HSDL1: variants seen among roughly 807,000 people sequenced by gnomAD.
HSDL1 encodes inactive hydroxysteroid dehydrogenase-like protein 1.
HSDL1 carries 29 observed loss-of-function variants against 31.5 expected under a neutral mutation model. That is an observed-to-expected ratio of 0.92 (90% CI 0.69 to 1.26). HSDL1 has a LOEUF of 1.26. Ranked by LOEUF, HSDL1 falls within the 50% of genes most tolerant of loss-of-function variation. The pLI is 0.00. For synonymous variants in HSDL1, 222 were observed against 155.2 expected, an observed-to-expected ratio of 1.43 and a Z score of -3.20; for missense variants, 503 against 416.6, an observed-to-expected ratio of 1.21 and a Z score of -1.81.
In HSDL1 at chr16:84,122,734, T is replaced by A. The variant is rs113863434; in HGVS notation, c.*1896A>T. The stretch of plus-strand genomic sequence containing the variant: ...TTAGCTCTGGGGAAAAAAATACATT[T>A]AATGAAAGCTAGAAAACCTAGAGAA... On this transcript the variant is annotated 3_prime_UTR_variant, in exon 6 of 6. Coordinates refer to ENST00000219439, the MANE Select transcript of HSDL1 (RefSeq NM_031463.5). 2 of 152,200 alleles carry A rather than the reference T, an allele frequency of 1.3e-5. No homozygotes were observed. The highest frequency in any genetic ancestry group is 6.5e-5 in the Admixed American group (1 of 15,274). The allele number at this position is 152,200 out of a possible 1,614,324, so 9.4% of individuals were successfully genotyped here.
chr16:84,130,373 A>G lies in HSDL1; in HGVS notation c.279T>C (p.Asn93=). 1 of 1,614,074 alleles carries G rather than the reference A, an allele frequency of 6.2e-7. No individual in the cohort carries two copies. The highest frequency in any genetic ancestry group is 8.5e-7 in the Non-Finnish European group (1 of 1,180,028). Reference sequence around the variant, plus strand: ...CCTCGTTCCGACTAATCAGGATTATATTGAGACCTCGGCTTGCTAACTCTT... The same window carrying G: ...CCTCGTTCCGACTAATCAGGATTATGTTGAGACCTCGGCTTGCTAACTCTT... ...YAEELASRGL[N]IILISRNEEK... Residue 93 remains asparagine (N), a synonymous_variant, in exon 4 of 6, where the codon AAT becomes AAC. Transcript: ENST00000219439.
At position 84,128,015 on chromosome 16, in the gene HSDL1, T is replaced by A. The variant is rs141485613; in HGVS notation, c.894+1533A>T. On this transcript the variant is annotated intron_variant, in intron 5 of 5. Transcript: ENST00000219439. ...ATTACAGGCTTGAGCCACCACGCCC[T>A]GCCAGCTCACGCTTGTAAATCCCAG... is the stretch of plus-strand genomic sequence containing the variant. Among the ~76,000 whole-genome samples the A allele has an allele frequency of 3.4e-3, 502 of 145,764 alleles. 1 individual carries two copies. The highest frequency in any genetic ancestry group is 0.012 in the African/African-American group (464 of 40,258).
intron 1 of HSDL1, among the ~76,000 whole-genome samples, chr16:84,141,934 G>A (rs1056016134): frequency 1.3e-5 from 2 of 152,076 alleles, no homozygotes; most frequent in Non-Finnish European, 2.9e-5. Flanking sequence ...TAAATGTGTT[G>A]TTATTATTAT....
intron 5 of HSDL1, 127 bp from the exon 6 acceptor site, chr16:84,124,855 A>G: frequency 1.6e-6 from 1 of 624,258 alleles, no homozygotes; most frequent in Non-Finnish European, 2.9e-6. Flanking sequence ...CACAACAAAT[A>G]CCCACCAATC....
intron 4 of HSDL1, 79 bp from the exon 5 acceptor site, chr16:84,129,854 T>C (rs1240299766): frequency 1.4e-6 from 2 of 1,439,690 alleles, no homozygotes; most frequent in Admixed American, 2.1e-5. Context: ...ACTTGCTTAT[T>C]ATCAATTCAG....
Position 84,124,122 on chromosome 16 carries a change from TA to T in HSDL1, c.*507del, listed in dbSNP as rs1267556084. ...ACCAGTTGAAGTGCAGCATTTTCAT[TA>T]CAGATAGTCAAACAGCTAGAGCTAT... is the stretch of plus-strand genomic sequence containing the variant. On this transcript the variant is annotated 3_prime_UTR_variant, in exon 6 of 6. Coordinates refer to ENST00000219439, the MANE Select transcript of HSDL1 (RefSeq NM_031463.5). The T allele has an allele frequency of 6.5e-6, 1 of 153,310 alleles. No individual in the cohort carries two copies. The highest frequency in any genetic ancestry group is 1.9e-4 in the East Asian group (1 of 5,234). 9.5% of individuals were successfully genotyped at this position (153,310 alleles called of 1,614,324 possible).
chr16:84,130,960 G>C (rs778051140), intron 3 of HSDL1, 142 bp downstream of exon 3: 1 of 698,024 alleles, frequency 1.4e-6, no homozygotes, highest in Non-Finnish European at 2.5e-6. Context: ...AAAATGAAAT[G>C]TGAACATAAT....
At chr16:84,130,566 G>A in intron 3 of HSDL1, 135 bp from the exon 4 acceptor site, 1 of 684,552 alleles carries the variant, frequency 1.5e-6, no homozygotes. Flanking sequence ...GTATCTACAA[G>A]TCAAGGACAC....
At chr16:84,125,201 C>T (rs2086594254) in intron 5 of HSDL1, 1 of 150,706 alleles carries the variant, frequency 6.6e-6, no homozygotes, top group Non-Finnish European at 1.4e-5. Context: ...CCACCAATCA[C>T]AACAAATACC....
At chr16:84,130,505 CT>C (rs1426002605) in intron 3 of HSDL1, 74 bp from the exon 4 acceptor site, 28 of 1,274,218 alleles carry the variant, frequency 2.2e-5, no homozygotes, top group South Asian at 2.9e-5. Flanking sequence ...AAAGTACCCC[CT>C]GTCAGGTTTA....
chr16:84,130,367 G>T lies in HSDL1; in HGVS notation c.285C>A (p.Ile95=), dbSNP rs1457984924. ...EELASRGLNI[I]LISRNEEKLQ... ...ACTTCTCCTCGTTCCGACTAATCAG[G>T]ATTATATTGAGACCTCGGCTTGCTA... Residue 95 remains isoleucine (I), a synonymous_variant, in exon 4 of 6, where the codon ATC becomes ATA. Coordinates refer to ENST00000219439, the MANE Select transcript of HSDL1 (RefSeq NM_031463.5). 1 of 1,614,108 alleles carries T rather than the reference G, an allele frequency of 6.2e-7. No homozygotes were observed. Among genetic ancestry groups the T allele is most frequent in the Non-Finnish European group, 8.5e-7 (1 of 1,180,038 alleles).
chr16:84,126,905 GAA>G (rs1457809246), intron 5 of HSDL1, among the ~76,000 whole-genome samples: 13 of 152,142 alleles, frequency 8.5e-5, no homozygotes, highest in African/African-American at 3.1e-4. Flanking sequence ...AATGAAAACA[GAA>G]AGTTTTAACA....
chr16:84,126,706 G>C (rs1163589840), intron 5 of HSDL1, among the ~76,000 whole-genome samples: 3 of 151,510 alleles, frequency 2.0e-5, no homozygotes, highest in African/African-American at 7.3e-5. Context: ...AATGGACACA[G>C]GTTACTCTCC....
At chr16:84,130,506 T>C (rs532482048) in intron 3 of HSDL1, 75 bp from the exon 4 acceptor site, 1 of 1,266,166 alleles carries the variant, frequency 7.9e-7, no homozygotes. Context: ...AAGTACCCCC[T>C]GTCAGGTTTA....
intron 1 of HSDL1, among the ~76,000 whole-genome samples, chr16:84,136,917 A>T (rs554808992): frequency 7.2e-5 from 11 of 152,346 alleles, no homozygotes; most frequent in African/African-American, 2.6e-4. Context: ...TCACATCCAC[A>T]AAACCCACAG....
intron 1 of HSDL1, among the ~76,000 whole-genome samples, chr16:84,140,193 T>C (rs1466002361): frequency 6.6e-6 from 1 of 152,226 alleles, no homozygotes; most frequent in Non-Finnish European, 1.5e-5. Context: ...TATCTTGGTT[T>C]CTTGGTTGTC....
rs1239928702 is a variant in HSDL1, at chr16:84,129,753, C to A, written c.689G>T (p.Arg230Ile). The part of the protein sequence containing the change: ...ASKAYLDHFS[R>I]ALQYEYASKG... ...AGAGGCATATTCATATTGCAAGGCT[C>A]TGCTGAAGTGGTCTAAATAAGCCTG... Residue 230 changes from arginine to isoleucine, a missense_variant, in exon 5 of 6, where the codon AGA becomes ATA. Coordinates refer to ENST00000219439, the MANE Select transcript of HSDL1 (RefSeq NM_031463.5). 6.2e-7 allele frequency: 1 copy of A among 1,614,024 alleles called. No individual in the cohort carries two copies. The highest frequency in any genetic ancestry group is 8.5e-7 in the Non-Finnish European group (1 of 1,179,874).
At chr16:84,135,158 G>C (rs556287735) in intron 2 of HSDL1, among the ~76,000 whole-genome samples, 6 of 151,808 alleles carry the variant, frequency 4.0e-5, no homozygotes, top group Non-Finnish European at 7.4e-5. Context: ...GCATGAACCG[G>C]GGAGGCAGAG....
rs150505774 is a variant in HSDL1, at chr16:84,123,283, A to T, written c.*1347T>A. Reference sequence around the variant, plus strand: ...TGATAGATTATCACGTCACGAAAAAAATGCCACAGAAGTCCAGACTTTTAA... The same window carrying T: ...TGATAGATTATCACGTCACGAAAAATATGCCACAGAAGTCCAGACTTTTAA... On this transcript the variant is annotated 3_prime_UTR_variant, in exon 6 of 6. Coordinates refer to ENST00000219439, the MANE Select transcript of HSDL1 (RefSeq NM_031463.5). The T allele has an allele frequency of 6.6e-6, 1 of 152,346 alleles. No individual in the cohort carries two copies. Among genetic ancestry groups the T allele is most frequent in the African/African-American group, 2.4e-5 (1 of 41,578 alleles). The allele number at this position is 152,346 out of a possible 1,614,324, so 9.4% of individuals were successfully genotyped here.
Sources: gnomAD v4.1 joint callset for allele counts (sites outside exome capture counted in the v4.1 genomes callset) on GRCh38, gnomAD v4.1.1 for gene constraint, MANE v1.5 for transcripts, NCBI Gene and HGNC (gene_info 2026-07-23, HGNC 2026-07-21) for gene names.